The following CEP83 variants were observed in gnomAD, a reference collection of about 807,000 sequenced individuals.
The protein encoded by CEP83 is centrosomal protein of 83 kDa.
Under a neutral mutation model 101.9 loss-of-function variants are expected in CEP83, and 70 were observed. The observed-to-expected ratio is 0.69, with a 90% CI of 0.57 to 0.84. The LOEUF is 0.84. Ranked by LOEUF, CEP83 falls within the 40% of genes least tolerant of loss-of-function variation. The pLI, the probability that CEP83 is intolerant of heterozygous loss-of-function variation, is 0.00. For missense variants in CEP83, 715 were observed against 787.2 expected (o/e 0.91, Z 1.10); for synonymous variants, 264 against 267.9 (o/e 0.99, Z 0.14).
intron 2 of CEP83, among the ~76,000 whole-genome samples, chr12:94,426,383 T>G (rs2065202946): frequency 6.6e-6 from 1 of 152,210 alleles, no homozygotes; most frequent in Non-Finnish European, 1.5e-5. Context: ...GTGTTTTATC[T>G]TGCATTTTAG....
downstream of CEP83, chr12:94,304,290 G>T: frequency 2.6e-6 from 1 of 382,328 alleles, no homozygotes; most frequent in East Asian, 4.1e-5. Flanking sequence ...GAGTTCATGG[G>T]GCCTACAGCC....
intron 1 of CEP83, among the ~76,000 whole-genome samples, chr12:94,441,832 G>A (rs2066422065): frequency 6.7e-6 from 1 of 149,180 alleles, no homozygotes; most frequent in Non-Finnish European, 1.5e-5. Flanking sequence ...GGAGAATGGT[G>A]TGAACCCAGG....
intron 11 of CEP83, among the ~76,000 whole-genome samples, chr12:94,343,090 T>A (rs2059758960): frequency 6.6e-6 from 1 of 151,432 alleles, no homozygotes; most frequent in Non-Finnish European, 1.5e-5. Flanking sequence ...TATGTATGTC[T>A]GTGTGTGTAT....
At chr12:94,305,394 A>G, downstream of CEP83, 1 of 650,148 alleles carries the variant, frequency 1.5e-6, no homozygotes, top group South Asian at 1.9e-5. Context: ...CATAGGTTCC[A>G]CTTTGGGCAC....
chr12:94,371,382 G>A (rs2061301297), intron 8 of CEP83, among the ~76,000 whole-genome samples: 1 of 152,192 alleles, frequency 6.6e-6, no homozygotes, highest in South Asian at 2.1e-4. Context: ...GTGTGCGCAT[G>A]TGCACAAGTA....
chr12:94,408,496 C>T (rs1180001567), intron 4 of CEP83, among the ~76,000 whole-genome samples: 1 of 152,074 alleles, frequency 6.6e-6, no homozygotes, highest in East Asian at 1.9e-4. Context: ...ATCAAATGAT[C>T]CCCATATTTA....
At chr12:94,431,297 A>G in intron 2 of CEP83, among the ~76,000 whole-genome samples, 1 of 152,216 alleles carries the variant, frequency 6.6e-6, no homozygotes, top group Non-Finnish European at 1.5e-5. Context: ...TCAACTCAAG[A>G]TGGATCAAAG....
Position 94,334,787 on chromosome 12 carries a change from CTCTT to C in CEP83, c.1419+798_1419+801del, listed in dbSNP as rs1273096550. Among the ~76,000 whole-genome samples, 3 of 152,242 alleles carry C rather than the reference CTCTT, an allele frequency of 2.0e-5. No individual in the cohort carries two copies. In the South Asian group the frequency reaches 6.2e-4, roughly 32 times the overall value. ...AAATTTATCCATGTAGAACTATTCA[CTCTT>C]TATTTTTAACTGGAGTGGCAAATAT... On this transcript the variant is annotated intron_variant, in intron 12 of 16. Transcript: ENST00000397809.
At chr12:94,419,422 T>G (rs980601255) in intron 2 of CEP83, among the ~76,000 whole-genome samples, 1 of 152,092 alleles carries the variant, frequency 6.6e-6, no homozygotes, top group Non-Finnish European at 1.5e-5. Flanking sequence ...AAGAGACAAA[T>G]TCTCCCCAAT....
chr12:94,387,429 G>C lies in CEP83; in HGVS notation c.550-8387C>G, dbSNP rs189364973. 1.1e-4 allele frequency among the ~76,000 whole-genome samples: 16 copies of C among 152,278 alleles called. No homozygotes were observed. The East Asian group carries it at 2.5e-3, about 24-fold the overall frequency. On this transcript the variant is annotated intron_variant, in intron 6 of 16. Coordinates refer to ENST00000397809, the MANE Select transcript of CEP83 (RefSeq NM_016122.3). The stretch of plus-strand genomic sequence containing the variant: ...AATGCCCTAATGCCTGATGATCTAA[G>C]GTGGAACAATTTCATCCTGAAACCA...
chr12:94,300,121 G>GAGAT, the CEP83 span, among the ~76,000 whole-genome samples: 5 of 152,348 alleles, frequency 3.3e-5, no homozygotes, highest in South Asian at 8.3e-4. Flanking sequence ...TTAGTTGCTG[G>GAGAT]AGATATAGTA....
chr12:94,321,500 G>C (rs2058742632), intron 14 of CEP83, among the ~76,000 whole-genome samples: 1 of 152,180 alleles, frequency 6.6e-6, no homozygotes, highest in Admixed American at 6.5e-5. Context: ...CTGCGTGGGG[G>C]TGTTCCTTTA....
the CEP83 span, chr12:94,298,617 T>G: frequency 6.4e-7 from 1 of 1,570,894 alleles, no homozygotes; most frequent in Non-Finnish European, 8.6e-7. Context: ...AAATCTGATG[T>G]TGTCTATCTT....
At chr12:94,322,993 A>T (rs2058812504) in intron 14 of CEP83, among the ~76,000 whole-genome samples, 1 of 152,138 alleles carries the variant, frequency 6.6e-6, no homozygotes, top group South Asian at 2.1e-4. Context: ...GGGTGGCTGC[A>T]ATGAAGGCAA....
intron 11 of CEP83, 97 bp downstream of exon 11, chr12:94,367,697 A>G: frequency 1.4e-6 from 1 of 727,234 alleles, no homozygotes; most frequent in East Asian, 2.9e-5. Flanking sequence ...ATCAGGGTGA[A>G]GAGCACATGG....
At chr12:94,346,447 CA>C (rs201802151) in intron 11 of CEP83, among the ~76,000 whole-genome samples, 289 of 91,264 alleles carry the variant, frequency 3.2e-3, no homozygotes, top group Middle Eastern at 0.014. Flanking sequence ...GACGCCGTCT[CA>C]AAAAAAAAAA....
chr12:94,278,146 C>CA, the CEP83 span: 35 of 390,518 alleles, frequency 9.0e-5, no homozygotes, highest in South Asian at 1.4e-4. Context: ...TCCTTAAAAC[C>CA]AAAAAAAACA....
the CEP83 span, chr12:94,280,040 T>C: frequency 2.8e-6 from 1 of 356,688 alleles, no homozygotes. Flanking sequence ...GTTGTGATAC[T>C]GAGCGTGTCA....
chr12:94,313,527 T>TAA (rs58864740), intron 14 of CEP83, among the ~76,000 whole-genome samples: 1,192 of 95,650 alleles, frequency 0.012, 31 homozygotes, highest in African/African-American at 0.045. Context: ...AAGAACCCAT[T>TAA]AAAAAAAAAA....
Sources: allele counts gnomAD v4.1 joint callset (sites outside exome capture counted in the v4.1 genomes callset), GRCh38; gene constraint gnomAD v4.1.1; transcripts MANE v1.5; gene names NCBI Gene and HGNC (gene_info 2026-07-23, HGNC 2026-07-21).